SLC19A1: variants seen among roughly 807,000 people sequenced by gnomAD.
SLC19A1 encodes reduced folate transporter.
Under a neutral mutation model 35.3 loss-of-function variants are expected in SLC19A1, and 37 were observed. The observed-to-expected ratio is 1.05, with a 90% CI of 0.81 to 1.38. SLC19A1 has a LOEUF of 1.38. Among genes scored for constraint, SLC19A1 ranks in the 40% most tolerant of loss-of-function variants. SLC19A1 has a pLI of 0.00. For missense variants in SLC19A1, 831 were observed against 826.9 expected, an observed-to-expected ratio of 1.00 and a Z score of -0.06; for synonymous variants, 460 against 398.5, an observed-to-expected ratio of 1.15 and a Z score of -1.84.
intron 5 of SLC19A1, among the ~76,000 whole-genome samples, chr21:45,518,362 T>G (rs1286279450): frequency 2.0e-5 from 3 of 152,156 alleles, no homozygotes; most frequent in Admixed American, 1.3e-4. Flanking sequence ...TCATTCCTTG[T>G]GGGACTATAC....
Position 45,515,813 on chromosome 21 carries a change from T to TC in SLC19A1, c.1620dup (p.Thr541AspfsTer17). ...CACAGAGTGCAGGGGGAAGGGGTTG[T>TC]CACTGGGCTCAGGAATTCAGCTGCC... On this transcript the variant is annotated frameshift_variant, in exon 6 of 6. Transcript: ENST00000311124. LOFTEE classifies it low-confidence loss of function (END_TRUNC). 6.2e-7 allele frequency: 1 copy of TC among 1,610,224 alleles called. No homozygotes were observed. The highest frequency in any genetic ancestry group is 8.5e-7 in the Non-Finnish European group (1 of 1,177,556).
At chr21:45,512,558 C>A, downstream of SLC19A1, 2 of 693,190 alleles carry the variant, frequency 2.9e-6, no homozygotes, top group Non-Finnish European at 4.8e-6. Flanking sequence ...AAAAGGAAGC[C>A]AAAGAGTGTA....
downstream of SLC19A1, chr21:45,511,175 G>T: frequency 6.2e-7 from 1 of 1,601,662 alleles, no homozygotes. Context: ...CTGAAGCCCG[G>T]GGCACGCATC....
downstream of SLC19A1, chr21:45,509,655 A>G (rs2037455480): frequency 2.1e-6 from 2 of 951,602 alleles, no homozygotes; most frequent in Non-Finnish European, 3.3e-6. Flanking sequence ...GGCTCTCGGC[A>G]GCAGAAGAGG....
At chr21:45,543,233 C>T (rs1225530243), upstream of SLC19A1, among the ~76,000 whole-genome samples, 1 of 152,206 alleles carries the variant, frequency 6.6e-6, no homozygotes, top group Non-Finnish European at 1.5e-5. Context: ...CAGACAGCAC[C>T]GCCGAAAGCC....
chr21:45,506,561 C>A, intron 3 of SLC19A1: 1 of 186,824 alleles, frequency 5.4e-6, no homozygotes, highest in Middle Eastern at 2.5e-3. Flanking sequence ...CAGGTGGGTG[C>A]GGCCATGCTT....
chr21:45,522,300 C>T (rs1034218200), intron 5 of SLC19A1, among the ~76,000 whole-genome samples: 2 of 152,188 alleles, frequency 1.3e-5, no homozygotes, highest in Admixed American at 1.3e-4. Context: ...TGAAATATCA[C>T]TACACCTATC....
At chr21:45,509,317 G>C (rs1370240650), downstream of SLC19A1, 1 of 1,537,312 alleles carries the variant, frequency 6.5e-7, no homozygotes, top group Non-Finnish European at 8.7e-7. Flanking sequence ...GCACCCGGAG[G>C]GTCCCCCCGC....
chr21:45,537,485 G>GC (rs2078152891), intron 2 of SLC19A1, among the ~76,000 whole-genome samples: 18 of 140,024 alleles, frequency 1.3e-4, no homozygotes, highest in African/African-American at 4.3e-4. Context: ...ACAGGCGGCC[G>GC]CCCAGCACCC....
chr21:45,504,698 C>A (rs2037083046), intron 3 of SLC19A1: 5 of 739,740 alleles, frequency 6.8e-6, no homozygotes, highest in Non-Finnish European at 1.1e-5. Flanking sequence ...GTCCCTGTCC[C>A]CGTGTGGGGA....
chr21:45,510,718 G>A (rs1181775623), downstream of SLC19A1, among the ~76,000 whole-genome samples: 2 of 152,186 alleles, frequency 1.3e-5, no homozygotes, highest in Non-Finnish European at 2.9e-5. Context: ...TGGCTTCTGG[G>A]TGCCCCGGGG....
intron 2 of SLC19A1, among the ~76,000 whole-genome samples, chr21:45,535,190 G>A (rs1056594811): frequency 2.0e-4 from 30 of 152,346 alleles, no homozygotes; most frequent in Non-Finnish European, 2.8e-4. Flanking sequence ...CCTGGAGGAG[G>A]GCGGGGGCTG....
At chr21:45,553,456 T>C (rs1158052867) in intron 1 of SLC19A1, among the ~76,000 whole-genome samples, 1 of 151,914 alleles carries the variant, frequency 6.6e-6, no homozygotes. Context: ...TTTGTATTTT[T>C]TTTGTGGTAA....
Position 45,533,988 on chromosome 21 carries a change from G to A in SLC19A1, c.190-1840C>T, listed in dbSNP as rs933514486. Among the ~76,000 whole-genome samples, 2 of 151,922 alleles carry A rather than the reference G, an allele frequency of 1.3e-5. No homozygotes were observed. The highest frequency in any genetic ancestry group is 4.8e-5 in the African/African-American group (2 of 41,380). ...CCCCACCTCAGGGCACCCTGAGGTC[G>A]CACCCTGGAGCCTGCACCCTCATGG... is the stretch of plus-strand genomic sequence containing the variant. On this transcript the variant is annotated intron_variant, in intron 2 of 5. Coordinates refer to ENST00000311124, the MANE Select transcript of SLC19A1 (RefSeq NM_194255.4). This position sits in a 1 kb window ranked among gnomAD's most constrained non-coding sequence, Gnocchi z 4.5.
rs987617951 is a variant in SLC19A1 at position 45,530,095 on chromosome 21, G to A, written c.1151+675C>T. On this transcript the variant is annotated intron_variant, in intron 4 of 5. Coordinates refer to ENST00000311124, the MANE Select transcript of SLC19A1 (RefSeq NM_194255.4). The surrounding 1 kb of genome is among the most constrained non-coding windows in gnomAD (Gnocchi z 5.3). ...TGTGGTGTGTGTTCGTGTGTGGTGTGTCTGTGTGGTGTATCCATCTGTGAG... is the reference window on the plus strand; with the variant it reads ...TGTGGTGTGTGTTCGTGTGTGGTGTATCTGTGTGGTGTATCCATCTGTGAG... Among the ~76,000 whole-genome samples the A allele has an allele frequency of 1.2e-4, 18 of 150,366 alleles. No individual in the cohort carries two copies. Among genetic ancestry groups the A allele is most frequent in the African/African-American group, 4.2e-4 (17 of 40,808 alleles).
downstream of SLC19A1, among the ~76,000 whole-genome samples, chr21:45,508,683 C>T (rs2037397175): frequency 6.6e-6 from 1 of 152,176 alleles, no homozygotes; most frequent in African/African-American, 2.4e-5. Flanking sequence ...CCTGTCTCCT[C>T]ACAGGGTTCA....
At chr21:45,539,708 A>G (rs1373783808) in intron 1 of SLC19A1, among the ~76,000 whole-genome samples, 1 of 152,180 alleles carries the variant, frequency 6.6e-6, no homozygotes, top group Non-Finnish European at 1.5e-5. Context: ...CCACTTAGGC[A>G]AAGCCATCAG....
rs1420041804 is a variant in SLC19A1 at position 45,551,071 on chromosome 21, G to A, written c.-50+11671C>T. 2.6e-5 allele frequency among the ~76,000 whole-genome samples: 4 copies of A among 151,414 alleles called. 1 individual carries two copies. The highest frequency in any genetic ancestry group is 6.6e-5 in the Admixed American group (1 of 15,186). ...TTCTTCACAGTCCCAGCTACGCCTG[G>A]GTTGGTTGCACTCTCTGTTCCTCTT... On this transcript the variant is annotated intron_variant, in intron 1 of 5. Coordinates refer to the SLC19A1 transcript ENST00000650808.
chr21:45,551,872 C>T (rs1311256885), intron 1 of SLC19A1, among the ~76,000 whole-genome samples: 1 of 152,144 alleles, frequency 6.6e-6, no homozygotes, highest in South Asian at 2.1e-4. Context: ...AGGGCCCCGC[C>T]GTGACTGGGG....
Sources: allele counts gnomAD v4.1 joint callset (sites outside exome capture counted in the v4.1 genomes callset), GRCh38; gene constraint gnomAD v4.1.1; non-coding constraint Gnocchi (gnomAD v3.1); transcripts MANE v1.5; gene names NCBI Gene and HGNC (gene_info 2026-07-23, HGNC 2026-07-21).